Variants in RUVBL1 observed in about 807,000 individuals in gnomAD.
RUVBL1 encodes the protein ruvB-like 1.
In RUVBL1, 4 loss-of-function variants were observed where a neutral mutation model predicts 52.4. The observed-to-expected ratio is 0.08, with a 90% CI of 0.04 to 0.17. RUVBL1 has a LOEUF of 0.17. Among genes scored for constraint, RUVBL1 ranks in the 10% least tolerant of loss-of-function variants. RUVBL1 has a pLI of 1.00. For synonymous variants in RUVBL1, 217 were observed against 214.4 expected (o/e 1.01, Z -0.10); for missense variants, 298 against 572.8 (o/e 0.52, Z 4.90).
At chr3:128,069,743 G>C (rs562589014) in intron 9 of RUVBL1, 1 of 1,144,940 alleles carries the variant, frequency 8.7e-7, no homozygotes, top group East Asian at 2.4e-5. Context: ...GTGCTGCTGC[G>C]GCATATGGAC....
chr3:128,139,562 A>G (rs1361775020), intron 1 of RUVBL1, among the ~76,000 whole-genome samples: 1 of 152,230 alleles, frequency 6.6e-6, no homozygotes, highest in African/African-American at 2.4e-5. Flanking sequence ...GCTGGTGACA[A>G]TCTGGAGAAA....
intron 2 of RUVBL1, among the ~76,000 whole-genome samples, chr3:128,117,608 G>GT (rs1287378456): frequency 2.0e-5 from 3 of 151,178 alleles, no homozygotes; most frequent in Middle Eastern, 3.4e-3. Flanking sequence ...AACGCTGACA[G>GT]TTTTTTTGTT....
At chr3:128,068,086 C>G in intron 9 of RUVBL1, 1 of 1,588,164 alleles carries the variant, frequency 6.3e-7, no homozygotes, top group Non-Finnish European at 8.6e-7. Context: ...GGTCCCCAAC[C>G]TCCCGTCTGT....
chr3:128,088,619 T>C (rs1942729278), intron 8 of RUVBL1, among the ~76,000 whole-genome samples: 1 of 151,884 alleles, frequency 6.6e-6, no homozygotes, highest in African/African-American at 2.4e-5. Flanking sequence ...TGTTTTGTTT[T>C]TGAGACTGGG....
intron 9 of RUVBL1, among the ~76,000 whole-genome samples, chr3:128,072,642 C>A (rs1055679127): frequency 1.1e-4 from 16 of 152,196 alleles, no homozygotes; most frequent in African/African-American, 3.9e-4. Context: ...GAGCACAGCA[C>A]GTGGCCTCAG....
chr3:128,111,640 T>G (rs1022579803), intron 3 of RUVBL1, among the ~76,000 whole-genome samples: 1 of 152,016 alleles, frequency 6.6e-6, no homozygotes, highest in African/African-American at 2.4e-5. Context: ...GCCGGAGGGG[T>G]CTGGTAAAAG....
intron 1 of RUVBL1, among the ~76,000 whole-genome samples, chr3:128,142,904 C>G (rs1405704168): frequency 6.6e-6 from 1 of 152,134 alleles, no homozygotes; most frequent in Non-Finnish European, 1.5e-5. Context: ...CCTCAGCCTC[C>G]AGAGTAGCTG....
Position 128,073,848 on chromosome 3 carries a change from C to A in RUVBL1, c.940-8628G>T, listed in dbSNP as rs934339269. ...AGGCTAGAAACATCTAAATGCCCAT[C>A]GGAGGGGGCTGAATAAATTACAGCA... On this transcript the variant is annotated intron_variant, in intron 9 of 9. Coordinates refer to the RUVBL1 transcript ENST00000464873. Among the ~76,000 whole-genome samples, 6 of 152,150 alleles carry A rather than the reference C, an allele frequency of 3.9e-5. No homozygotes were observed. The East Asian group carries it at 1.2e-3, about 29-fold the overall frequency.
chr3:128,150,354 A>G (rs1576494772), intron 1 of RUVBL1, among the ~76,000 whole-genome samples: 1 of 151,918 alleles, frequency 6.6e-6, no homozygotes, highest in Non-Finnish European at 1.5e-5. Flanking sequence ...ATATATATAT[A>G]TCTCCTAAGC....
intron 8 of RUVBL1, among the ~76,000 whole-genome samples, chr3:128,089,297 C>A (rs1302032651): frequency 6.6e-6 from 1 of 152,246 alleles, no homozygotes; most frequent in East Asian, 1.9e-4. Flanking sequence ...CCTGCGCAGC[C>A]ACTGGTGGCA....
At chr3:128,091,452 C>G (rs193261308) in intron 8 of RUVBL1, among the ~76,000 whole-genome samples, 1 of 152,310 alleles carries the variant, frequency 6.6e-6, no homozygotes, top group East Asian at 1.9e-4. Context: ...TGGCCTCAGT[C>G]TACTATTAAT....
chr3:128,090,436 G>A (rs966318170), intron 8 of RUVBL1, among the ~76,000 whole-genome samples: 7 of 152,046 alleles, frequency 4.6e-5, no homozygotes, highest in African/African-American at 4.8e-5. Context: ...GGAGAATGGC[G>A]TGAACCCGGG....
chr3:128,131,873 C>T (rs965090403), intron 1 of RUVBL1, among the ~76,000 whole-genome samples: 2 of 152,174 alleles, frequency 1.3e-5, no homozygotes, highest in African/African-American at 4.8e-5. Context: ...CCCCACCTGC[C>T]GCCAGCAGGA....
intron 1 of RUVBL1, among the ~76,000 whole-genome samples, chr3:128,151,176 T>C (rs544242748): frequency 7.5e-6 from 1 of 133,534 alleles, no homozygotes; most frequent in Admixed American, 8.8e-5. Context: ...ATATACTCTA[T>C]ATACATTCTA....
chr3:128,112,093 G>A (rs900248151), intron 3 of RUVBL1, among the ~76,000 whole-genome samples: 2 of 152,166 alleles, frequency 1.3e-5, no homozygotes, highest in Non-Finnish European at 2.9e-5. Context: ...CAGATCTGAG[G>A]GAAACTAGGA....
intron 9 of RUVBL1, chr3:128,071,641 T>A (rs1463286586): frequency 6.6e-6 from 1 of 152,640 alleles, no homozygotes; most frequent in African/African-American, 2.4e-5. Flanking sequence ...ATAACTGAGA[T>A]AAGGTGAATA....
upstream of RUVBL1, among the ~76,000 whole-genome samples, chr3:128,125,075 C>G (rs1199701404): frequency 8.6e-6 from 1 of 116,298 alleles, no homozygotes; most frequent in Admixed American, 1.2e-4. Flanking sequence ...AGTGCAGTGG[C>G]GCAATCTCGG....
intron 8 of RUVBL1, among the ~76,000 whole-genome samples, chr3:128,091,675 C>G (rs1431294162): frequency 2.6e-5 from 4 of 152,194 alleles, no homozygotes; most frequent in Non-Finnish European, 5.9e-5. Flanking sequence ...GACTACTTTC[C>G]TCTTACAATA....
intron 3 of RUVBL1, among the ~76,000 whole-genome samples, chr3:128,105,865 C>CT (rs11311563): frequency 0.01 from 911 of 88,808 alleles, 13 homozygotes; most frequent in African/African-American, 0.018. Context: ...TTCCCTTTTT[C>CT]TTTTTTTTTT....
Sources: allele counts gnomAD v4.1 joint callset (sites outside exome capture counted in the v4.1 genomes callset), GRCh38; gene constraint gnomAD v4.1.1; transcripts MANE v1.5; gene names NCBI Gene and HGNC (gene_info 2026-07-23, HGNC 2026-07-21).